The following DBN1 variants were observed in gnomAD, a reference collection of about 807,000 sequenced individuals.
DBN1 encodes the protein drebrin 1, also known as drebrin.
DBN1 carries 21 observed loss-of-function variants against 83.5 expected under a neutral mutation model. The observed-to-expected ratio is 0.25, with a 90% CI of 0.18 to 0.36. The LOEUF is 0.36. Among genes scored for constraint, DBN1 ranks in the 10% least tolerant of loss-of-function variants. DBN1 has a pLI of 1.00. For synonymous variants in DBN1, 381 were observed against 384.9 expected (o/e 0.99, Z 0.12); for missense variants, 874 against 935.7 (o/e 0.93, Z 0.86).
chr5:177,471,193 A>G (rs922526758), intron 1 of DBN1, among the ~76,000 whole-genome samples: 14 of 151,994 alleles, frequency 9.2e-5, no homozygotes, highest in African/African-American at 3.1e-4. Flanking sequence ...TCGGGGGCTG[A>G]GGGCAGGTGG....
At chr5:177,458,969 G>A (rs932226844) in intron 12 of DBN1, 129 bp downstream of exon 12, 39 of 1,454,204 alleles carry the variant, frequency 2.7e-5, no homozygotes, top group African/African-American at 1.3e-4. Context: ...CCACACAGCC[G>A]CCTCCAGGGC....
In DBN1 at chr5:177,457,941, C is replaced by A. The variant is rs745660855; in HGVS notation, c.1914+117G>T. The A allele has an allele frequency of 8.9e-5, 131 of 1,477,944 alleles. 1 individual carries two copies. Among genetic ancestry groups the A allele is most frequent in the East Asian group, 7.0e-4 (31 of 44,064 alleles). 91.6% of individuals were successfully genotyped at this position (1,477,944 alleles called of 1,614,324 possible). The stretch of plus-strand genomic sequence containing the variant: ...AGGGAGGGTGGGATGGACTTCCCCT[C>A]AAATAATGTGGGTCACAGAGAAGGG... On this transcript the variant is annotated intron_variant, in intron 13 of 14. Transcript: ENST00000393565.
rs1441950597 is a variant in DBN1 at position 177,466,771 on chromosome 5, C to T, written c.771+1G>A. The T allele has an allele frequency of 6.2e-7, 1 of 1,614,180 alleles. No individual in the cohort carries two copies. Among genetic ancestry groups the T allele is most frequent in the Admixed American group, 1.7e-5 (1 of 60,028 alleles). Reference sequence around the variant, plus strand: ...ACCGGGAGCCTTGGCAAAGAACTTACAAAGATAGACTGCTCCTTCAACCGC... The same window carrying T: ...ACCGGGAGCCTTGGCAAAGAACTTATAAAGATAGACTGCTCCTTCAACCGC... On this transcript the variant is annotated splice_donor_variant, in intron 8 of 14. Coordinates refer to ENST00000393565, the MANE Select transcript of DBN1 (RefSeq NM_001363541.2). LOFTEE classifies it high-confidence loss of function. This position sits in a 1 kb window ranked among gnomAD's most constrained non-coding sequence, Gnocchi z 4.8.
Position 177,466,512 on chromosome 5 carries a change from T to C in DBN1, c.771+260A>G, listed in dbSNP as rs1757450642. Among the ~76,000 whole-genome samples the C allele has an allele frequency of 6.6e-6, 1 of 152,160 alleles. No individual in the cohort carries two copies. Among genetic ancestry groups the C allele is most frequent in the South Asian group, 2.1e-4 (1 of 4,826 alleles). ...GGCAGGGGAGGGGGAGCCTGGTCAG[T>C]GAGGGTCTGGGTCTAGATGGAGTTT... On this transcript the variant is annotated intron_variant, in intron 8 of 14. Transcript: ENST00000393565. The surrounding 1 kb of genome is among the most constrained non-coding windows in gnomAD (Gnocchi z 4.8).
intron 8 of DBN1, among the ~76,000 whole-genome samples, chr5:177,464,810 G>C (rs750079432): frequency 3.7e-4 from 56 of 151,350 alleles, no homozygotes; most frequent in Non-Finnish European, 7.1e-4. Flanking sequence ...CGTGGTGGTG[G>C]GCGCCTGTAA....
rs140602328 is a variant in DBN1, at chr5:177,468,869, A to G, written c.117T>C (p.Asp39=). The G allele has an allele frequency of 2.3e-4, 299 of 1,321,274 alleles. 2 individuals carry two copies. In the African/African-American group the frequency reaches 4.2e-3, roughly 18 times the overall value. 81.8% of individuals were successfully genotyped at this position (1,321,274 alleles called of 1,614,324 possible). The change falls in exon 2 of 15, where the codon GAT becomes GAC. Residue 39 remains aspartate, a synonymous_variant. Transcript: ENST00000393565. The part of the protein sequence containing the change: ...WALYTYEDGS[D]DLKLAASGEG... ...CTCCTGATGCTGCAAGCTTGAGGTC[A>G]TCGGAGCCATCTTCATATGTGTACA...
In DBN1 at chr5:177,460,413, G is replaced by C. The variant is rs1756936500; in HGVS notation, c.955+19C>G. The C allele has an allele frequency of 6.2e-7, 1 of 1,612,846 alleles. No individual in the cohort carries two copies. The highest frequency in any genetic ancestry group is 8.5e-7 in the Non-Finnish European group (1 of 1,179,846). On this transcript the variant is annotated intron_variant, in intron 10 of 14. Transcript: ENST00000393565. ...AACCTGAGGAGTGGGGCCGGACGGG[G>C]GGTGGGGCCTAGGACTACCTGGTCG...
intron 1 of DBN1, among the ~76,000 whole-genome samples, chr5:177,469,695 T>G (rs1373725426): frequency 6.6e-6 from 1 of 152,198 alleles, no homozygotes; most frequent in East Asian, 1.9e-4. Flanking sequence ...TAGCTTTGTG[T>G]GCCCTGGCTC....
At chr5:177,460,314 G>C (rs1374874077) in intron 10 of DBN1, 118 bp downstream of exon 10, 1 of 1,456,656 alleles carries the variant, frequency 6.9e-7, no homozygotes, top group Admixed American at 1.7e-5. Flanking sequence ...GCTGGATGAA[G>C]GGTCTCGCCT....
chr5:177,457,963 A>AG (rs773487689), intron 13 of DBN1, 95 bp downstream of exon 13: 1 of 1,535,614 alleles, frequency 6.5e-7, no homozygotes, highest in East Asian at 2.2e-5. Flanking sequence ...GTCACAGAGA[A>AG]GGGGGTACTG....
At chr5:177,470,581 A>G (rs912364358) in intron 1 of DBN1, among the ~76,000 whole-genome samples, 2 of 152,058 alleles carry the variant, frequency 1.3e-5, no homozygotes, top group African/African-American at 4.8e-5. Context: ...GACACACTGG[A>G]CGGCTCCCTG....
chr5:177,458,469 A>G lies in DBN1; in HGVS notation c.1503T>C (p.Thr501=). The change falls in exon 13 of 15, where the codon ACT becomes ACC. Residue 501 remains threonine (T), a synonymous_variant. Transcript: ENST00000393565. ...EIHDAADTIE[T]DTATADTTVA... ...CAGTGGTGTCAGCAGTGGCAGTGTC[A>G]GTTTCAATGGTGTCAGCTGCATCGT... 2 of 1,613,744 alleles carry G rather than the reference A, an allele frequency of 1.2e-6. No individual in the cohort carries two copies. The highest frequency in any genetic ancestry group is 1.7e-6 in the Non-Finnish European group (2 of 1,179,630).
intron 8 of DBN1, chr5:177,462,482 C>G: frequency 2.5e-6 from 2 of 813,720 alleles, no homozygotes; most frequent in Non-Finnish European, 1.5e-6. Flanking sequence ...TGGCTTCCAC[C>G]ACGATGACAC....
chr5:177,460,331 A>G, intron 10 of DBN1, 101 bp downstream of exon 10: 1 of 1,560,504 alleles, frequency 6.4e-7, no homozygotes, highest in Non-Finnish European at 8.8e-7. Flanking sequence ...GCCTTCTCCA[A>G]GGGTTGCTTG....
At chr5:177,463,408 G>T (rs1419517411) in intron 8 of DBN1, among the ~76,000 whole-genome samples, 2 of 152,208 alleles carry the variant, frequency 1.3e-5, no homozygotes, top group African/African-American at 4.8e-5. Flanking sequence ...GGAGGAGAGA[G>T]ATCAACGCAC....
chr5:177,464,969 A>C lies in DBN1; in HGVS notation c.771+1803T>G, dbSNP rs369702430. Among the ~76,000 whole-genome samples the C allele has an allele frequency of 2.9e-3, 437 of 152,206 alleles. 1 individual carries two copies. Among genetic ancestry groups the C allele is most frequent in the African/African-American group, 9.8e-3 (408 of 41,528 alleles). On this transcript the variant is annotated intron_variant, in intron 8 of 14. Coordinates refer to ENST00000393565, the MANE Select transcript of DBN1 (RefSeq NM_001363541.2). ...GGAGATCGAGACCACCCTGGCTAAC[A>C]TGGTGAAACCCCGTCTCTACTAAAA...
At chr5:177,468,802 A>AG in intron 2 of DBN1, 42 bp downstream of exon 2, 1 of 1,285,930 alleles carries the variant, frequency 7.8e-7, no homozygotes. Flanking sequence ...AACCAGGAGG[A>AG]GGGGGTGGAG....
intron 1 of DBN1, 100 bp downstream of exon 1, chr5:177,473,336 C>T (rs1222029690): frequency 1.5e-6 from 1 of 666,608 alleles, no homozygotes; most frequent in Admixed American, 3.9e-5. Context: ...TTTCGGGGTC[C>T]CCCTCCCTTC....
rs376023550 is a variant in DBN1 at position 177,466,899 on chromosome 5, G to A, written c.707+12C>T. 92 of 1,613,166 alleles carry A rather than the reference G, an allele frequency of 5.7e-5. No homozygotes were observed. Among genetic ancestry groups the A allele is most frequent in the South Asian group, 1.8e-4 (16 of 91,060 alleles). On this transcript the variant is annotated intron_variant, in intron 7 of 14. Transcript: ENST00000393565. This position sits in a 1 kb window ranked among gnomAD's most constrained non-coding sequence, Gnocchi z 4.8. ...CGGGGGCCCCTGGAGCGCTCCGGGC[G>A]GGCAGGCTCACCTGTGCTCCTCGAT...
Sources: gnomAD v4.1 joint callset for allele counts (sites outside exome capture counted in the v4.1 genomes callset) on GRCh38, gnomAD v4.1.1 for gene constraint, Gnocchi (gnomAD v3.1) non-coding constraint, MANE v1.5 for transcripts, NCBI Gene and HGNC (gene_info 2026-07-23, HGNC 2026-07-21) for gene names.